ANO6: variants seen among roughly 807,000 people sequenced by gnomAD.
The protein encoded by ANO6 is anoctamin 6, also known as anoctamin-6.
A neutral mutation model predicts 117.5 loss-of-function variants in ANO6; 106 were observed. That is an observed-to-expected ratio of 0.90 (90% CI 0.77 to 1.06). The LOEUF is 1.06. Ranked by LOEUF, ANO6 falls within the 50% of genes least tolerant of loss-of-function variation. ANO6 has a pLI of 0.00. For synonymous variants in ANO6, 367 were observed against 385.1 expected (o/e 0.95, Z 0.55); for missense variants, 955 against 1,121.1 (o/e 0.85, Z 2.12).
chr12:45,278,253 A>G (rs539089239), intron 1 of ANO6, among the ~76,000 whole-genome samples: 1 of 152,254 alleles, frequency 6.6e-6, no homozygotes, highest in Non-Finnish European at 1.5e-5. Context: ...CACCGTGCCC[A>G]ACCCCCAACT....
intron 10 of ANO6, 75 bp from the exon 11 acceptor site, chr12:45,388,086 A>T: frequency 1.3e-6 from 2 of 1,564,232 alleles, no homozygotes; most frequent in Admixed American, 1.7e-5. Context: ...TGGATAATTA[A>T]TATTATTCAG....
chr12:45,350,616 A>T, intron 6 of ANO6, 43 bp from the exon 7 acceptor site: 2 of 1,494,356 alleles, frequency 1.3e-6, no homozygotes, highest in Non-Finnish European at 1.9e-6. Flanking sequence ...ATTTGTGAAA[A>T]CACGATGATT....
intron 10 of ANO6, among the ~76,000 whole-genome samples, chr12:45,385,119 C>T (rs941346367): frequency 2.6e-5 from 4 of 152,014 alleles, no homozygotes; most frequent in Admixed American, 2.0e-4. Context: ...CCTACTATGT[C>T]GTAGTGCTTC....
At position 45,382,075 on chromosome 12, in the gene ANO6, G is replaced by T. The variant is rs540918754; in HGVS notation, c.1165+3962G>T. On this transcript the variant is annotated intron_variant, in intron 10 of 19. Coordinates refer to ENST00000320560, the MANE Select transcript of ANO6 (RefSeq NM_001025356.3). ...AGAATAAGAGTTCTGCCAATAATTT[G>T]GCTATTATCAGTCTTTAGATTGATG... Among the ~76,000 whole-genome samples the T allele has an allele frequency of 5.3e-5, 8 of 152,190 alleles. No individual in the cohort carries two copies. The East Asian group carries it at 1.3e-3, about 26-fold the overall frequency.
chr12:45,418,337 TG>T (rs1324871864), intron 17 of ANO6, among the ~76,000 whole-genome samples: 1 of 152,212 alleles, frequency 6.6e-6, no homozygotes, highest in Non-Finnish European at 1.5e-5. Flanking sequence ...AACCAACTAC[TG>T]GGGTATGTCA....
At chr12:45,301,445 A>T (rs1204247434) in intron 1 of ANO6, among the ~76,000 whole-genome samples, 1 of 151,990 alleles carries the variant, frequency 6.6e-6, no homozygotes, top group Non-Finnish European at 1.5e-5. Context: ...AAAGAAAAAA[A>T]AATGTTTTTT....
intron 2 of ANO6, among the ~76,000 whole-genome samples, chr12:45,304,156 T>TC (rs150469540): frequency 0.017 from 2,645 of 152,306 alleles, 54 homozygotes; most frequent in East Asian, 0.085. Context: ...GCCAGTGTAC[T>TC]CCCAGTTCCA....
chr12:45,362,932 A>G (rs892598486), intron 8 of ANO6, among the ~76,000 whole-genome samples: 3 of 152,192 alleles, frequency 2.0e-5, no homozygotes, highest in Admixed American at 1.3e-4. Flanking sequence ...AGAAGAAAAT[A>G]GAGACATACA....
Position 45,348,231 on chromosome 12 carries a change from T to G in ANO6, c.549T>G (p.Thr183=). Residue 183 remains threonine (T), a synonymous_variant, in exon 5 of 20, where the codon ACT becomes ACG. Coordinates refer to ENST00000320560, the MANE Select transcript of ANO6 (RefSeq NM_001025356.3). The part of the protein sequence containing the change: ...SIIKPEQEFF[T]APFEKNRMND... ...TCAAGCCAGAGCAAGAGTTTTTCAC[T>G]GCCCCATTTGAGAAGAACCGGATGA... The G allele has an allele frequency of 6.2e-7, 1 of 1,614,078 alleles. No individual in the cohort carries two copies.
intron 9 of ANO6, among the ~76,000 whole-genome samples, chr12:45,373,251 C>T (rs562285251): frequency 6.6e-6 from 1 of 152,306 alleles, no homozygotes; most frequent in Admixed American, 6.5e-5. Flanking sequence ...GACACCCACA[C>T]ATTAATAATG....
In ANO6 at chr12:45,431,532, G is replaced by A. The variant is rs568876660; in HGVS notation, c.*2221G>A. 6.9e-6 allele frequency: 2 copies of A among 290,568 alleles called. No individual in the cohort carries two copies. Among genetic ancestry groups the A allele is most frequent in the South Asian group, 1.3e-4 (1 of 7,736 alleles). 18.0% of individuals were successfully genotyped at this position (290,568 alleles called of 1,614,324 possible). A position where few individuals can be genotyped will look rare whatever the true frequency, so the allele number is the denominator to read the frequency against. On this transcript the variant is annotated 3_prime_UTR_variant, in exon 20 of 20. Coordinates refer to ENST00000320560, the MANE Select transcript of ANO6 (RefSeq NM_001025356.3). ...ATTAAATGTGCTGCTGTGGACAGGA[G>A]GGGAAAAAAAACCCTCTACATATTG... is the stretch of plus-strand genomic sequence containing the variant.
At position 45,367,749 on chromosome 12, in the gene ANO6, C is replaced by G. The variant is rs1228063058; in HGVS notation, c.1060C>G (p.Leu354Val). The G allele has an allele frequency of 2.5e-6, 4 of 1,613,574 alleles. No homozygotes were observed. The Admixed American group carries it at 5.0e-5, about 20-fold the overall frequency. ...KIIMCPQCDR[L>V]CPFWKLNITC... ...CATAATGTGTCCTCAGTGTGATAGG[C>G]TTTGTCCATTCTGGAAACTCAATAT... Residue 354 changes from leucine (L) to valine (V), a missense_variant, in exon 9 of 20, where the codon CTT (leucine) becomes GTT (valine). Transcript: ENST00000320560.
rs375015301 is a variant in ANO6 at position 45,348,279 on chromosome 12, A to G, written c.597A>G (p.Arg199=). The G allele has an allele frequency of 4.3e-5, 69 of 1,613,978 alleles. No homozygotes were observed. The highest frequency in any genetic ancestry group is 1.6e-4 in the Middle Eastern group (1 of 6,084). ...TGAATGATTTTTACATAGTTGATAG[A>G]GATGCTTTCTTCAATCCAGCCACCA... is the stretch of plus-strand genomic sequence containing the variant. The part of the protein sequence containing the change: ...NRMNDFYIVD[R]DAFFNPATRS... Residue 199 remains arginine, a synonymous_variant, in exon 5 of 20, where the codon AGA becomes AGG. Coordinates refer to ENST00000320560, the MANE Select transcript of ANO6 (RefSeq NM_001025356.3).
intron 1 of ANO6, among the ~76,000 whole-genome samples, chr12:45,276,185 C>G (rs1462941862): frequency 6.6e-6 from 1 of 152,184 alleles, no homozygotes; most frequent in Non-Finnish European, 1.5e-5. Context: ...TCCTCTCCCC[C>G]CAGTACTTCT....
At chr12:45,417,199 A>G (rs1359507462) in intron 17 of ANO6, among the ~76,000 whole-genome samples, 1 of 152,236 alleles carries the variant, frequency 6.6e-6, no homozygotes, top group African/African-American at 2.4e-5. Flanking sequence ...TAATCCTCAC[A>G]TAACTATAAA....
intron 3 of ANO6, among the ~76,000 whole-genome samples, chr12:45,332,295 C>T (rs1318187081): frequency 6.8e-6 from 1 of 146,128 alleles, no homozygotes; most frequent in African/African-American, 2.5e-5. Context: ...TCTCTCTGTT[C>T]TCTCTCTCTC....
chr12:45,231,450 A>G (rs1448223622), intron 1 of ANO6, among the ~76,000 whole-genome samples: 1 of 152,256 alleles, frequency 6.6e-6, no homozygotes, highest in Admixed American at 6.5e-5. Flanking sequence ...AGAAAAGTTT[A>G]GACATTCCAT....
At chr12:45,308,241 C>A (rs1939740557) in intron 2 of ANO6, among the ~76,000 whole-genome samples, 1 of 151,456 alleles carries the variant, frequency 6.6e-6, no homozygotes, top group Non-Finnish European at 1.5e-5. Flanking sequence ...AATAATGTCC[C>A]TGAGAGGGCA....
At chr12:45,358,737 AC>A (rs991625550) in intron 8 of ANO6, among the ~76,000 whole-genome samples, 4 of 151,088 alleles carry the variant, frequency 2.6e-5, no homozygotes, top group African/African-American at 9.7e-5. Flanking sequence ...ATTTTCAGTT[AC>A]TTTTATAGTT....
Sources: gnomAD v4.1 joint callset for allele counts (sites outside exome capture counted in the v4.1 genomes callset) on GRCh38, gnomAD v4.1.1 for gene constraint, MANE v1.5 for transcripts, NCBI Gene and HGNC (gene_info 2026-07-23, HGNC 2026-07-21) for gene names.